COG5: variants seen among roughly 807,000 people sequenced by gnomAD.
COG5 encodes the protein component of oligomeric golgi complex 5, also known as conserved oligomeric Golgi complex subunit 5.
Under a neutral mutation model 110.4 loss-of-function variants are expected in COG5, and 86 were observed. The observed-to-expected ratio is 0.78, with a 90% CI of 0.65 to 0.93. The LOEUF is 0.93. COG5 is among the 40% of genes least tolerant of loss of function. The probability of loss-of-function intolerance (pLI) is 0.00; values close to 1 mark genes in which losing one functional copy is unlikely to be tolerated. For synonymous variants in COG5, 360 were observed against 334.6 expected (o/e 1.08, Z -0.83); for missense variants, 1,077 against 987.0 (o/e 1.09, Z -1.22).
chr7:107,550,421 T>C lies in COG5; in HGVS notation c.293-2089A>G, dbSNP rs960965431. ...ATTAAACTCTTCCAATGGTTTACCA[T>C]TGCATTTAGAATTAAATCCAAATTC... is the stretch of plus-strand genomic sequence containing the variant. On this transcript the variant is annotated intron_variant, in intron 3 of 21. Coordinates refer to ENST00000297135, the MANE Select transcript of COG5 (RefSeq NM_006348.5). 2.6e-5 allele frequency among the ~76,000 whole-genome samples: 4 copies of C among 152,228 alleles called. No individual in the cohort carries two copies. In the East Asian group the frequency reaches 5.8e-4, roughly 22 times the overall value.
intron 12 of COG5, among the ~76,000 whole-genome samples, chr7:107,287,615 G>T (rs539432315): frequency 6.6e-6 from 1 of 152,236 alleles, no homozygotes; most frequent in Admixed American, 6.5e-5. Flanking sequence ...AAGAAATCTT[G>T]TATCTTTAAC....
chr7:107,458,790 T>A (rs1298245341), intron 6 of COG5, among the ~76,000 whole-genome samples: 1 of 151,968 alleles, frequency 6.6e-6, no homozygotes, highest in Non-Finnish European at 1.5e-5. Context: ...GCCCGAGAAG[T>A]CAAAGTTGCA....
chr7:107,386,120 G>C (rs1474015902), intron 7 of COG5, among the ~76,000 whole-genome samples: 1 of 151,974 alleles, frequency 6.6e-6, no homozygotes, highest in Non-Finnish European at 1.5e-5. Context: ...CCTCAGGATA[G>C]AGTTACAGTT....
In COG5 at chr7:107,484,367, TTTAA is replaced by T. The variant is rs1340093250; in HGVS notation, c.538+42866_538+42869del. Among the ~76,000 whole-genome samples the T allele has an allele frequency of 3.3e-5, 5 of 152,220 alleles. No homozygotes were observed. The East Asian group carries it at 9.6e-4, about 29-fold the overall frequency. ...CACAAATTGCTCCTTATGATTTCTT[TTTAA>T]TTTTTATTTTAGGCTCTTTCTTTGA... On this transcript the variant is annotated intron_variant, in intron 6 of 21. Coordinates refer to ENST00000297135, the MANE Select transcript of COG5 (RefSeq NM_006348.5).
chr7:107,407,402 T>C (rs1025656841), intron 7 of COG5, among the ~76,000 whole-genome samples: 44 of 151,934 alleles, frequency 2.9e-4, no homozygotes, highest in African/African-American at 9.9e-4. Context: ...AAAAGAAAAA[T>C]AAACATTAAG....
chr7:107,541,070 GAAC>G (rs1040054214), intron 5 of COG5, among the ~76,000 whole-genome samples: 2 of 151,404 alleles, frequency 1.3e-5, no homozygotes, highest in Non-Finnish European at 2.9e-5. Flanking sequence ...AGAATCACTT[GAAC>G]CCAGGAGGCG....
At chr7:107,375,435 T>C (rs957706299) in intron 7 of COG5, among the ~76,000 whole-genome samples, 7 of 152,074 alleles carry the variant, frequency 4.6e-5, no homozygotes, top group African/African-American at 1.7e-4. Context: ...ATACTGCCAA[T>C]TTTACAAAGC....
chr7:107,553,161 G>C (rs1803052576), intron 3 of COG5, among the ~76,000 whole-genome samples: 1 of 152,110 alleles, frequency 6.6e-6, no homozygotes, highest in Admixed American at 6.5e-5. Context: ...TGGGTGACAG[G>C]ATCATTTGTA....
intron 6 of COG5, among the ~76,000 whole-genome samples, chr7:107,415,005 C>A (rs558896482): frequency 6.6e-6 from 1 of 152,000 alleles, no homozygotes; most frequent in East Asian, 1.9e-4. Context: ...GGATTACAGG[C>A]GTGAGCCACC....
chr7:107,459,779 C>T (rs1480870775), intron 6 of COG5, among the ~76,000 whole-genome samples: 1 of 140,714 alleles, frequency 7.1e-6, no homozygotes, highest in African/African-American at 2.7e-5. Flanking sequence ...CTGGGTGATG[C>T]AGCAAGATTC....
At chr7:107,384,018 G>A (rs575010404) in intron 7 of COG5, among the ~76,000 whole-genome samples, 1 of 152,260 alleles carries the variant, frequency 6.6e-6, no homozygotes, top group Non-Finnish European at 1.5e-5. Context: ...GTGCAAACTG[G>A]TAGAAGGCCT....
intron 6 of COG5, among the ~76,000 whole-genome samples, chr7:107,496,689 A>G (rs1456692827): frequency 6.6e-6 from 1 of 151,706 alleles, no homozygotes; most frequent in Non-Finnish European, 1.5e-5. Context: ...AAACAAAAAA[A>G]CAATCAATAT....
chr7:107,446,708 A>G (rs1795024564), intron 6 of COG5, among the ~76,000 whole-genome samples: 1 of 152,156 alleles, frequency 6.6e-6, no homozygotes, highest in Non-Finnish European at 1.5e-5. Context: ...ATGGTGAGGA[A>G]TGGAGGCCTA....
intron 2 of COG5, among the ~76,000 whole-genome samples, chr7:107,554,848 A>G (rs1803190937): frequency 6.6e-6 from 1 of 152,172 alleles, no homozygotes; most frequent in South Asian, 2.1e-4. Context: ...TCTTAATACT[A>G]TCATATTGGA....
At chr7:107,261,406 T>C (rs1007666512) in intron 14 of COG5, among the ~76,000 whole-genome samples, 7 of 152,202 alleles carry the variant, frequency 4.6e-5, no homozygotes, top group Non-Finnish European at 1.5e-5. Context: ...CCCCTAAATA[T>C]TTCAATGTGT....
intron 7 of COG5, among the ~76,000 whole-genome samples, chr7:107,409,242 A>G (rs1792094637): frequency 6.6e-6 from 1 of 151,630 alleles, no homozygotes; most frequent in East Asian, 1.9e-4. Context: ...AAAAAAAAAA[A>G]AAAAAGAAAA....
chr7:107,542,818 A>G (rs562740362), intron 5 of COG5, among the ~76,000 whole-genome samples: 1 of 152,100 alleles, frequency 6.6e-6, no homozygotes, highest in East Asian at 1.9e-4. Flanking sequence ...AAAACACAAC[A>G]AAAAAATAGC....
At chr7:107,261,491 T>C (rs1803346246) in intron 14 of COG5, among the ~76,000 whole-genome samples, 1 of 152,212 alleles carries the variant, frequency 6.6e-6, no homozygotes, top group Non-Finnish European at 1.5e-5. Flanking sequence ...CGATGAAATA[T>C]TTTTATCTGG....
chr7:107,424,673 G>A (rs1793527446), intron 6 of COG5, among the ~76,000 whole-genome samples: 1 of 152,080 alleles, frequency 6.6e-6, no homozygotes, highest in African/African-American at 2.4e-5. Flanking sequence ...TATATGCTTA[G>A]CACTGTATAA....
Sources: gnomAD v4.1 joint callset for allele counts (sites outside exome capture counted in the v4.1 genomes callset) on GRCh38, gnomAD v4.1.1 for gene constraint, MANE v1.5 for transcripts, NCBI Gene and HGNC (gene_info 2026-07-23, HGNC 2026-07-21) for gene names.